Variants in BICC1 observed in about 807,000 individuals in gnomAD.
BICC1 encodes the protein protein bicaudal C homolog 1.
A neutral mutation model predicts 111.0 loss-of-function variants in BICC1; 43 were observed. That is an observed-to-expected ratio of 0.39 (90% CI 0.30 to 0.50). The LOEUF (loss-of-function observed/expected upper bound fraction) is 0.50. Ranked by LOEUF, BICC1 falls within the 20% of genes least tolerant of loss-of-function variation. The pLI, the probability that BICC1 is intolerant of heterozygous loss-of-function variation, is 0.88. For missense variants in BICC1, 1,091 were observed against 1,203.2 expected (o/e 0.91, Z 1.38); for synonymous variants, 467 against 434.4 (o/e 1.07, Z -0.93).
rs1843571690 is a variant in BICC1, at chr10:58,802,286, T to G, written c.2016-791T>G. ...TCAACTTTTGTCAAGCAAAGTTCAT[T>G]GTCCCTCTTTTTGTATTCCCCAAGT... is the stretch of plus-strand genomic sequence containing the variant. On this transcript the variant is annotated intron_variant, in intron 14 of 20. Coordinates refer to ENST00000373886, the MANE Select transcript of BICC1 (RefSeq NM_001080512.3). Among the ~76,000 whole-genome samples the G allele has an allele frequency of 2.0e-5, 3 of 152,240 alleles. No homozygotes were observed. The South Asian group carries it at 6.2e-4, about 32-fold the overall frequency.
Position 58,829,595 on chromosome 10 carries a change from G to A in BICC1, c.*704G>A, listed in dbSNP as rs1275006680. The A allele has an allele frequency of 6.6e-6, 1 of 152,020 alleles. No homozygotes were observed. The highest frequency in any genetic ancestry group is 2.4e-5 in the African/African-American group (1 of 41,406). The allele number at this position is 152,020 out of a possible 1,614,324, so 9.4% of individuals were successfully genotyped here. A position where few individuals can be genotyped will look rare whatever the true frequency, so the allele number is the denominator to read the frequency against. On this transcript the variant is annotated 3_prime_UTR_variant, in exon 21 of 21. Transcript: ENST00000373886. ...GTCCACTTGCTTCTGGACCAATTCTGTTTCATGTATGTTAGCATCCTAGAA... is the reference window on the plus strand; with the variant it reads ...GTCCACTTGCTTCTGGACCAATTCTATTTCATGTATGTTAGCATCCTAGAA...
At chr10:58,621,219 G>T (rs1315951315) in intron 2 of BICC1, among the ~76,000 whole-genome samples, 1 of 152,166 alleles carries the variant, frequency 6.6e-6, no homozygotes, top group Non-Finnish European at 1.5e-5. Context: ...CATAGGAAGG[G>T]GTTATTGTGC....
At chr10:58,794,979 A>G (rs1259724008) in intron 9 of BICC1, among the ~76,000 whole-genome samples, 1 of 152,186 alleles carries the variant, frequency 6.6e-6, no homozygotes. Flanking sequence ...CAATGGCAGC[A>G]TTTTTGTGTA....
intron 2 of BICC1, among the ~76,000 whole-genome samples, chr10:58,672,603 A>G (rs1297093699): frequency 6.6e-6 from 1 of 152,166 alleles, no homozygotes; most frequent in Non-Finnish European, 1.5e-5. Flanking sequence ...ATATATCGGC[A>G]AGTGGTGTTT....
chr10:58,715,837 A>C, intron 3 of BICC1: 1 of 1,275,320 alleles, frequency 7.8e-7, no homozygotes, highest in Non-Finnish European at 1.1e-6. Flanking sequence ...ACAGAGAAAG[A>C]AAAAAGAAAA....
chr10:58,592,571 C>T (rs566704833), intron 1 of BICC1, among the ~76,000 whole-genome samples: 3 of 151,576 alleles, frequency 2.0e-5, no homozygotes, highest in African/African-American at 4.8e-5. Context: ...ATTAGATGGG[C>T]GTGGTTGGTG....
chr10:58,630,861 AT>A (rs1274546859), intron 2 of BICC1, among the ~76,000 whole-genome samples: 3 of 152,166 alleles, frequency 2.0e-5, no homozygotes, highest in Non-Finnish European at 4.4e-5. Context: ...TATAAAAGGT[AT>A]TTCTGTCAAA....
intron 1 of BICC1, among the ~76,000 whole-genome samples, chr10:58,550,678 CATT>C (rs1432225825): frequency 6.6e-6 from 1 of 152,080 alleles, no homozygotes; most frequent in East Asian, 1.9e-4. Context: ...ATTCTAGCAT[CATT>C]TGTTGAAAAG....
In BICC1 at chr10:58,791,597, G is replaced by A. The variant is rs551774942; in HGVS notation, c.1047+1664G>A. ...CTAAAAATACACAGAAAAGTTAGCC[G>A]GGCATAGTGGTGAAGGTCTGTAATC... On this transcript the variant is annotated intron_variant, in intron 8 of 20. Transcript: ENST00000373886. Among the ~76,000 whole-genome samples the A allele has an allele frequency of 2.2e-4, 33 of 152,110 alleles. No homozygotes were observed. In the South Asian group the frequency reaches 2.9e-3, roughly 13 times the overall value.
intron 1 of BICC1, among the ~76,000 whole-genome samples, chr10:58,572,831 C>G (rs537570590): frequency 6.6e-6 from 1 of 152,214 alleles, no homozygotes; most frequent in Non-Finnish European, 1.5e-5. Context: ...CCTTTGATCC[C>G]TCAACATGGA....
rs541424056 is a variant in BICC1 at position 58,517,090 on chromosome 10, A to T, written c.190+3757A>T. 5.9e-5 allele frequency among the ~76,000 whole-genome samples: 9 copies of T among 152,174 alleles called. No homozygotes were observed. The South Asian group carries it at 1.3e-3, about 21-fold the overall frequency. ...AACACAGCACTTCAAATTATTATTT[A>T]AAAAAAATTTCCCATATAAAATTCA... On this transcript the variant is annotated intron_variant, in intron 1 of 20. Transcript: ENST00000373886.
At chr10:58,715,827 A>G in intron 3 of BICC1, 1 of 1,287,780 alleles carries the variant, frequency 7.8e-7, no homozygotes, top group East Asian at 2.5e-5. Flanking sequence ...CAAAAAAAAG[A>G]CAGAGAAAGA....
At chr10:58,718,339 T>G (rs1401119471) in intron 3 of BICC1, among the ~76,000 whole-genome samples, 1 of 152,160 alleles carries the variant, frequency 6.6e-6, no homozygotes, top group East Asian at 1.9e-4. Context: ...GCACTAATGC[T>G]ATTTAGGAGG....
chr10:58,735,039 G>A (rs1387259304), intron 3 of BICC1, among the ~76,000 whole-genome samples: 2 of 152,136 alleles, frequency 1.3e-5, no homozygotes, highest in Non-Finnish European at 2.9e-5. Flanking sequence ...TCTGACAAAG[G>A]TAGACAGTGA....
chr10:58,588,884 A>C (rs1844512725), intron 1 of BICC1, among the ~76,000 whole-genome samples: 1 of 152,194 alleles, frequency 6.6e-6, no homozygotes, highest in African/African-American at 2.4e-5. Context: ...ATCCTGTGTC[A>C]GGATGGCTAC....
At chr10:58,790,035 C>T (rs868036652) in intron 8 of BICC1, 102 bp downstream of exon 8, 22 of 1,300,226 alleles carry the variant, frequency 1.7e-5, no homozygotes, top group Middle Eastern at 1.9e-4. Context: ...GAAAGCACTT[C>T]GGAAGCCTCG....
rs1303852513 is a variant in BICC1 at position 58,568,466 on chromosome 10, A to G, written c.191-52389A>G. On this transcript the variant is annotated intron_variant, in intron 1 of 20. Transcript: ENST00000373886. ...TTCTAAAGCTAATTCTGTATTATAT[A>G]GCACTTATTTTAATGTTCCAGTGGG... 2.6e-5 allele frequency among the ~76,000 whole-genome samples: 4 copies of G among 152,132 alleles called. No individual in the cohort carries two copies. In the South Asian group the frequency reaches 8.3e-4, roughly 32 times the overall value.
Position 58,813,912 on chromosome 10 carries a change from A to G in BICC1, c.2459A>G (p.Asn820Ser). 2.5e-6 allele frequency: 4 copies of G among 1,614,056 alleles called. No individual in the cohort carries two copies. The highest frequency in any genetic ancestry group is 3.4e-6 in the Non-Finnish European group (4 of 1,179,938). Residue 820 changes from asparagine (N) to serine (S), a missense_variant, in exon 18 of 21, where the codon AAT (asparagine) becomes AGT (serine). Physicochemically the swap from Asn to Ser is conservative, Grantham distance 46. This residue lies in a region of BICC1 where 231 missense variants were observed against 256.2 expected (regional missense o/e 0.90). Coordinates refer to ENST00000373886, the MANE Select transcript of BICC1 (RefSeq NM_001080512.3). The stretch of plus-strand genomic sequence containing the variant: ...GAATCTGATAACTGGAGAGACCGAA[A>G]TGGAATTGGACCTGGAAGTCATAGT... The part of the protein sequence containing the change: ...GSESDNWRDR[N>S]GIGPGSHSEF...
At chr10:58,558,897 C>T (rs1843530602) in intron 1 of BICC1, among the ~76,000 whole-genome samples, 1 of 152,062 alleles carries the variant, frequency 6.6e-6, no homozygotes, top group African/African-American at 2.4e-5. Flanking sequence ...GGTCACTGAT[C>T]ACATTTATGA....
Sources: gnomAD v4.1 joint callset for allele counts (sites outside exome capture counted in the v4.1 genomes callset) on GRCh38, gnomAD v4.1.1 for gene constraint, gnomAD v4.1.1 regional missense constraint, MANE v1.5 for transcripts, NCBI Gene and HGNC (gene_info 2026-07-23, HGNC 2026-07-21) for gene names.